Variants in GALNT17 observed in about 807,000 individuals in gnomAD.
The protein encoded by GALNT17 is polypeptide N-acetylgalactosaminyltransferase 17, also known as UDP-GalNAc:polypeptide N-acetylgalactosaminyltransferase-like 3.
In GALNT17, 29 loss-of-function variants were observed where a neutral mutation model predicts 63.7. The ratio of observed to expected loss-of-function variants is 0.46; its 90% CI spans 0.34 to 0.62. The LOEUF is 0.62. Ranked by LOEUF, GALNT17 falls within the 20% of genes least tolerant of loss-of-function variation. The pLI is 0.01. For missense variants in GALNT17, 603 were observed against 799.6 expected, an observed-to-expected ratio of 0.75 and a Z score of 2.97; for synonymous variants, 305 against 318.3, an observed-to-expected ratio of 0.96 and a Z score of 0.45.
intron 5 of GALNT17, among the ~76,000 whole-genome samples, chr7:71,548,361 T>C (rs1789021183): frequency 6.6e-6 from 1 of 152,240 alleles, no homozygotes; most frequent in African/African-American, 2.4e-5. Context: ...GCAATCTTTT[T>C]TTATGCTTTC....
intron 5 of GALNT17, among the ~76,000 whole-genome samples, chr7:71,503,765 T>A (rs1164967661): frequency 6.6e-6 from 1 of 152,164 alleles, no homozygotes; most frequent in African/African-American, 2.4e-5. Context: ...GGAGCTTTTA[T>A]TCTAGGTACT....
intron 3 of GALNT17, among the ~76,000 whole-genome samples, chr7:71,407,292 G>A (rs921730380): frequency 6.6e-6 from 1 of 152,162 alleles, no homozygotes; most frequent in African/African-American, 2.4e-5. Context: ...ATGTGCCCAG[G>A]GAGAAGGTGG....
chr7:71,238,452 T>C (rs552715162), intron 1 of GALNT17, among the ~76,000 whole-genome samples: 23 of 152,278 alleles, frequency 1.5e-4, no homozygotes, highest in Non-Finnish European at 2.6e-4. Flanking sequence ...CTTCAACTTA[T>C]GGGCTCAAGT....
chr7:71,700,578 C>T (rs1294682650), intron 9 of GALNT17, among the ~76,000 whole-genome samples: 1 of 152,142 alleles, frequency 6.6e-6, no homozygotes, highest in Non-Finnish European at 1.5e-5. Flanking sequence ...CTCTATACTC[C>T]ATCATGGTGA....
chr7:71,563,485 G>A (rs573619813), intron 5 of GALNT17, among the ~76,000 whole-genome samples: 30 of 152,210 alleles, frequency 2.0e-4, no homozygotes, highest in African/African-American at 7.0e-4. Flanking sequence ...ACAGCTCCTC[G>A]TTTATCAGTC....
intron 1 of GALNT17, among the ~76,000 whole-genome samples, chr7:71,243,051 A>G (rs774125974): frequency 3.3e-5 from 5 of 152,116 alleles, no homozygotes; most frequent in Non-Finnish European, 7.4e-5. Flanking sequence ...CCTAATCCCT[A>G]CATGTTGAGG....
chr7:71,541,053 A>G (rs1433495980), intron 5 of GALNT17, among the ~76,000 whole-genome samples: 1 of 152,056 alleles, frequency 6.6e-6, no homozygotes, highest in Non-Finnish European at 1.5e-5. Context: ...AGCCTGGCCA[A>G]TATGGTGAAA....
intron 2 of GALNT17, among the ~76,000 whole-genome samples, chr7:71,379,426 A>G (rs1206875607): frequency 6.6e-6 from 1 of 151,914 alleles, no homozygotes; most frequent in East Asian, 1.9e-4. Context: ...GATCATATGT[A>G]CTCTAGAGAG....
At chr7:71,313,417 G>A (rs1318054572) in intron 1 of GALNT17, among the ~76,000 whole-genome samples, 1 of 152,166 alleles carries the variant, frequency 6.6e-6, no homozygotes, top group Non-Finnish European at 1.5e-5. Flanking sequence ...TTCGGTAAAT[G>A]GAAATTTGAA....
chr7:71,159,208 C>A (rs1788294721), intron 1 of GALNT17, among the ~76,000 whole-genome samples: 1 of 150,998 alleles, frequency 6.6e-6, no homozygotes, highest in African/African-American at 2.5e-5. Context: ...TTATTTCCAT[C>A]TCATCTCTTA....
chr7:71,615,468 C>CTT (rs59981146), intron 6 of GALNT17, among the ~76,000 whole-genome samples: 3 of 60,186 alleles, frequency 5.0e-5, no homozygotes, highest in Admixed American at 2.7e-4. Flanking sequence ...GAGCAAAGCA[C>CTT]TTTTTTTTTT....
intron 1 of GALNT17, among the ~76,000 whole-genome samples, chr7:71,147,497 T>C (rs1363108699): frequency 2.6e-5 from 4 of 152,334 alleles, no homozygotes; most frequent in Non-Finnish European, 5.9e-5. Flanking sequence ...ACTCGAATGT[T>C]AATCTCTTTT....
intron 5 of GALNT17, among the ~76,000 whole-genome samples, chr7:71,450,912 C>T (rs1384915120): frequency 7.8e-6 from 1 of 128,938 alleles, no homozygotes; most frequent in Non-Finnish European, 1.6e-5. Flanking sequence ...GATTGCATGG[C>T]GTTTTTCTTT....
At chr7:71,562,161 C>G (rs1328599590) in intron 5 of GALNT17, among the ~76,000 whole-genome samples, 2 of 152,098 alleles carry the variant, frequency 1.3e-5, no homozygotes, top group African/African-American at 2.4e-5. Flanking sequence ...TACATAGTCT[C>G]ACTATGCTGC....
At chr7:71,676,838 A>G (rs1278173162) in intron 8 of GALNT17, among the ~76,000 whole-genome samples, 1 of 152,112 alleles carries the variant, frequency 6.6e-6, no homozygotes, top group Non-Finnish European at 1.5e-5. Flanking sequence ...GAAGACTTAG[A>G]AGCCACTGAG....
At chr7:71,275,838 TG>T (rs1790672754) in intron 1 of GALNT17, among the ~76,000 whole-genome samples, 1 of 152,190 alleles carries the variant, frequency 6.6e-6, no homozygotes, top group South Asian at 2.1e-4. Context: ...CCCCACAAGT[TG>T]TGGCCCAGTT....
intron 2 of GALNT17, among the ~76,000 whole-genome samples, chr7:71,368,165 A>T (rs1015243614): frequency 6.6e-6 from 1 of 152,244 alleles, no homozygotes; most frequent in Non-Finnish European, 1.5e-5. Flanking sequence ...AAGGGATGCT[A>T]TGTTGTTCTT....
chr7:71,325,487 T>C (rs1297850469), intron 1 of GALNT17, among the ~76,000 whole-genome samples: 1 of 152,188 alleles, frequency 6.6e-6, no homozygotes, highest in Admixed American at 6.5e-5. Flanking sequence ...TCCTGGAGTT[T>C]GTGCCTCCAT....
intron 5 of GALNT17, among the ~76,000 whole-genome samples, chr7:71,569,034 C>T (rs1172644556): frequency 6.6e-6 from 1 of 152,096 alleles, no homozygotes; most frequent in Non-Finnish European, 1.5e-5. Context: ...TGCAGTGGTG[C>T]GATCTCAGCT....
Sources: allele counts gnomAD v4.1 joint callset (sites outside exome capture counted in the v4.1 genomes callset), GRCh38; gene constraint gnomAD v4.1.1; transcripts MANE v1.5; gene names NCBI Gene and HGNC (gene_info 2026-07-23, HGNC 2026-07-21).